CLK3: variants seen among roughly 807,000 people sequenced by gnomAD.
The protein encoded by CLK3 is dual specificity protein kinase CLK3.
In CLK3, 24 loss-of-function variants were observed where a neutral mutation model predicts 65.2. That is an observed-to-expected ratio of 0.37 (90% CI 0.27 to 0.52). The LOEUF (loss-of-function observed/expected upper bound fraction) is 0.52, where lower values mean the gene tolerates loss of function less well. CLK3 is among the 20% of genes least tolerant of loss of function. The probability of loss-of-function intolerance (pLI) is 0.92; values close to 1 mark genes in which losing one functional copy is unlikely to be tolerated. For missense variants in CLK3, 506 were observed against 660.0 expected, an observed-to-expected ratio of 0.77 and a Z score of 2.56; for synonymous variants, 252 against 240.8, an observed-to-expected ratio of 1.05 and a Z score of -0.43.
upstream of CLK3, among the ~76,000 whole-genome samples, chr15:74,612,566 C>G (rs2062003170): frequency 6.6e-6 from 1 of 152,138 alleles, no homozygotes; most frequent in South Asian, 2.1e-4. Flanking sequence ...AGTGGTTACA[C>G]CTAGCACCTC....
chr15:74,628,924 C>T lies in CLK3; in HGVS notation c.1206-18C>T. 1 of 1,575,542 alleles carries T rather than the reference C, an allele frequency of 6.3e-7. No homozygotes were observed. The highest frequency in any genetic ancestry group is 8.7e-7 in the Non-Finnish European group (1 of 1,145,370). ...CCCTTACTACTCCCACACTTGACTCCACCCCCTTAATTTTCAGGAAGCAGA... is the reference window on the plus strand; with the variant it reads ...CCCTTACTACTCCCACACTTGACTCTACCCCCTTAATTTTCAGGAAGCAGA... On this transcript the variant is annotated intron_variant, in intron 11 of 12. Coordinates refer to ENST00000395066, the MANE Select transcript of CLK3 (RefSeq NM_001130028.2).
At chr15:74,628,574 C>T (rs982828556) in intron 10 of CLK3, 30 bp from the exon 11 acceptor site, 5 of 1,547,614 alleles carry the variant, frequency 3.2e-6, no homozygotes, top group Admixed American at 3.6e-5. Context: ...CTAGTACTGA[C>T]CCCCTTGCAC....
At chr15:74,612,483 C>A (rs58286051), upstream of CLK3, among the ~76,000 whole-genome samples, 3,539 of 152,254 alleles carry the variant, frequency 0.023, 142 homozygotes, top group African/African-American at 0.081. Flanking sequence ...CCACTGCCTC[C>A]CAACTCCCAA....
At chr15:74,614,073 G>A (rs2141530791), upstream of CLK3, among the ~76,000 whole-genome samples, 1 of 152,324 alleles carries the variant, frequency 6.6e-6, no homozygotes, top group South Asian at 2.1e-4. Context: ...CAGTGAAGTG[G>A]CGCGATCTCG....
rs1415606406 is a variant in CLK3, at chr15:74,620,512, G to A, written c.369+287G>A. 3.2e-5 allele frequency: 17 copies of A among 532,214 alleles called. No individual in the cohort carries two copies. The South Asian group carries it at 3.5e-4, about 11-fold the overall frequency. The allele number at this position is 532,214 out of a possible 1,614,324, so 33.0% of individuals were successfully genotyped here. The stretch of plus-strand genomic sequence containing the variant: ...ACACAGTGCTCCAGACAAAGGCCAC[G>A]TGGTGCAAGTGGCTGGGGACACTTC... On this transcript the variant is annotated intron_variant, in intron 3 of 12. Transcript: ENST00000395066.
At chr15:74,609,622 G>A (rs1017456692) in intron 1 of CLK3, among the ~76,000 whole-genome samples, 14 of 152,238 alleles carry the variant, frequency 9.2e-5, no homozygotes, top group African/African-American at 3.4e-4. Flanking sequence ...ATCAGCAACT[G>A]CTCCTGCAGA....
At position 74,621,752 on chromosome 15, in the gene CLK3, G is replaced by C. The variant is rs532920251; in HGVS notation, c.370-368G>C. 1.7e-5 allele frequency: 6 copies of C among 356,252 alleles called. No individual in the cohort carries two copies. The highest frequency in any genetic ancestry group is 2.8e-5 in the Non-Finnish European group (5 of 180,676). The allele number at this position is 356,252 out of a possible 1,614,324, so 22.1% of individuals were successfully genotyped here. A position where few individuals can be genotyped will look rare whatever the true frequency, so the allele number is the denominator to read the frequency against. On this transcript the variant is annotated intron_variant, in intron 3 of 12. Transcript: ENST00000395066. The surrounding 1 kb of genome is among the most constrained non-coding windows in gnomAD (Gnocchi z 4.8). Reference sequence around the variant, plus strand: ...GTCTGGGAGGGAGAGACTCGGAGGAGGAGGAGGAGGGAGTCGGGGCGATGG... The same window carrying C: ...GTCTGGGAGGGAGAGACTCGGAGGACGAGGAGGAGGGAGTCGGGGCGATGG...
In CLK3 at chr15:74,624,687, G is replaced by C; in HGVS notation, c.534-215G>C. 1.7e-6 allele frequency: 1 copy of C among 593,288 alleles called. No homozygotes were observed. The highest frequency in any genetic ancestry group is 2.0e-5 in the South Asian group (1 of 49,502). 36.8% of individuals were successfully genotyped at this position (593,288 alleles called of 1,614,324 possible). A position where few individuals can be genotyped will look rare whatever the true frequency, so the allele number is the denominator to read the frequency against. ...ATAAAAGCCTAAGGATGGCAAGGAT[G>C]CTAAGAGCATTAACTCACAGATCTC... On this transcript the variant is annotated intron_variant, in intron 5 of 12. Coordinates refer to ENST00000395066, the MANE Select transcript of CLK3 (RefSeq NM_001130028.2). The surrounding 1 kb of genome is among the most constrained non-coding windows in gnomAD (Gnocchi z 4.2).
intron 2 of CLK3, 63 bp from the exon 3 acceptor site, chr15:74,619,946 A>T: frequency 6.2e-7 from 1 of 1,608,752 alleles, no homozygotes; most frequent in East Asian, 2.2e-5. Context: ...GCCTTACCAC[A>T]GGTCTCTTGC....
intron 1 of CLK3, among the ~76,000 whole-genome samples, chr15:74,618,811 C>A (rs905925268): frequency 6.6e-6 from 1 of 152,234 alleles, no homozygotes; most frequent in Admixed American, 6.5e-5. Flanking sequence ...GGACCGCCCC[C>A]CCGGGCGGGA....
In CLK3 at chr15:74,630,176, TTAA is replaced by T; in HGVS notation, c.*297_*299del. 2.9e-6 allele frequency: 1 copy of T among 343,836 alleles called. No individual in the cohort carries two copies. Among genetic ancestry groups the T allele is most frequent in the Non-Finnish European group, 5.4e-6 (1 of 185,814 alleles). 21.3% of individuals were successfully genotyped at this position (343,836 alleles called of 1,614,324 possible). A position where few individuals can be genotyped will look rare whatever the true frequency, so the allele number is the denominator to read the frequency against. ...CTTGCCTTCCCCTTACCTGACCTTA[TTAA>T]TAAAGTCTTTCTTAGCAGTTCAGCT... On this transcript the variant is annotated 3_prime_UTR_variant, in exon 13 of 13. Transcript: ENST00000395066.
rs1466915332 is a variant in CLK3, at chr15:74,627,314, C to T, written c.818-38C>T. ...CTAGAGCTGGCAGGAGAGCCAGCTT[C>T]TCAGTGCCTACTTCCCCTTCTTTCC... On this transcript the variant is annotated intron_variant, in intron 7 of 12. Coordinates refer to ENST00000395066, the MANE Select transcript of CLK3 (RefSeq NM_001130028.2). This position sits in a 1 kb window ranked among gnomAD's most constrained non-coding sequence, Gnocchi z 4.3. 7.1e-6 allele frequency: 11 copies of T among 1,546,740 alleles called. No homozygotes were observed. Among genetic ancestry groups the T allele is most frequent in the African/African-American group, 1.4e-5 (1 of 73,514 alleles).
intron 11 of CLK3, 88 bp downstream of exon 11, chr15:74,628,771 CTT>C: frequency 8.4e-7 from 1 of 1,183,502 alleles, no homozygotes; most frequent in Admixed American, 2.1e-5. Flanking sequence ...TGTGGTGAGT[CTT>C]TGCTGGACAG....
In CLK3 at chr15:74,621,301, G is replaced by A. The variant is rs970876050; in HGVS notation, c.370-819G>A. 1 of 154,126 alleles carries A rather than the reference G, an allele frequency of 6.5e-6. No individual in the cohort carries two copies. Among genetic ancestry groups the A allele is most frequent in the Non-Finnish European group, 1.4e-5 (1 of 69,422 alleles). 9.5% of individuals were successfully genotyped at this position (154,126 alleles called of 1,614,324 possible). On this transcript the variant is annotated intron_variant, in intron 3 of 12. Transcript: ENST00000395066. The surrounding 1 kb of genome is among the most constrained non-coding windows in gnomAD (Gnocchi z 4.8). ...CCTCTATCGATCGTCGTGAGGCTTG[G>A]GATGGGCCTAGATTGTGAGCAGCAT...
chr15:74,616,613 G>A (rs543046913), intron 1 of CLK3, among the ~76,000 whole-genome samples: 34 of 152,244 alleles, frequency 2.2e-4, no homozygotes, highest in Non-Finnish European at 3.7e-4. Flanking sequence ...CATCAGAGGC[G>A]GAGTTGGCGG....
chr15:74,622,474 C>T lies in CLK3; in HGVS notation c.467-20C>T. Reference sequence around the variant, plus strand: ...CCCCTGCCCTCCAGATTCTCATGCCCAATTTCTTTTCTCTCCTAGATGAGA... The same window carrying T: ...CCCCTGCCCTCCAGATTCTCATGCCTAATTTCTTTTCTCTCCTAGATGAGA... On this transcript the variant is annotated intron_variant, in intron 4 of 12. Coordinates refer to ENST00000395066, the MANE Select transcript of CLK3 (RefSeq NM_001130028.2). This position sits in a 1 kb window ranked among gnomAD's most constrained non-coding sequence, Gnocchi z 4.6. The T allele has an allele frequency of 1.3e-6, 2 of 1,590,770 alleles. No individual in the cohort carries two copies. The highest frequency in any genetic ancestry group is 8.6e-7 in the Non-Finnish European group (1 of 1,168,924).
At position 74,627,794 on chromosome 15, in the gene CLK3, C is replaced by T; in HGVS notation, c.1042+126C>T. On this transcript the variant is annotated intron_variant, in intron 9 of 12. Coordinates refer to ENST00000395066, the MANE Select transcript of CLK3 (RefSeq NM_001130028.2). The surrounding 1 kb of genome is among the most constrained non-coding windows in gnomAD (Gnocchi z 4.3). ...AGGCAGAGTTTCTCAGACCAAGGGG[C>T]CAGTGTCATGAGACACAGGTGACTG... 1 of 1,397,022 alleles carries T rather than the reference C, an allele frequency of 7.2e-7. No individual in the cohort carries two copies. 86.5% of individuals were successfully genotyped at this position (1,397,022 alleles called of 1,614,324 possible). A position where few individuals can be genotyped will look rare whatever the true frequency, so the allele number is the denominator to read the frequency against.
chr15:74,615,456 T>C (rs2062045309), upstream of CLK3: 9 of 1,307,934 alleles, frequency 6.9e-6, no homozygotes, highest in African/African-American at 3.1e-5. Flanking sequence ...CCGAGAACAA[T>C]GCCCGTCCTC....
rs1300667114 is a variant in CLK3, at chr15:74,622,143, C to G, written c.393C>G (p.Arg131=). The change falls in exon 4 of 13, where the codon CGC becomes CGG. Residue 131 remains arginine (R), a synonymous_variant. Transcript: ENST00000395066. This position sits in a 1 kb window ranked among gnomAD's most constrained non-coding sequence, Gnocchi z 4.6. ...AGAGAAGCCAACAGAGCAGTAAGCG[C>G]AGCAGCCGGAGTGTGGAAGATGACA... The part of the protein sequence containing the change: ...ASSRSQQSSK[R]SSRSVEDDKE... The G allele has an allele frequency of 6.2e-7, 1 of 1,614,180 alleles. No homozygotes were observed. Among genetic ancestry groups the G allele is most frequent in the Non-Finnish European group, 8.5e-7 (1 of 1,180,016 alleles).
Sources: gnomAD v4.1 joint callset for allele counts (sites outside exome capture counted in the v4.1 genomes callset) on GRCh38, gnomAD v4.1.1 for gene constraint, Gnocchi (gnomAD v3.1) non-coding constraint, MANE v1.5 for transcripts, NCBI Gene and HGNC (gene_info 2026-07-23, HGNC 2026-07-21) for gene names.